Variants in PDCD6 observed in about 807,000 individuals in gnomAD.
PDCD6 encodes programmed cell death 6, also known as programmed cell death protein 6.
A neutral mutation model predicts 28.3 loss-of-function variants in PDCD6; 12 were observed. The observed-to-expected ratio is 0.42, with a 90% CI of 0.27 to 0.69. PDCD6 has a LOEUF of 0.69. Ranked by LOEUF, PDCD6 falls within the 30% of genes least tolerant of loss-of-function variation. PDCD6 has a pLI of 0.22. For synonymous variants in PDCD6, 92 were observed against 108.0 expected (o/e 0.85, Z 0.92); for missense variants, 226 against 269.9 (o/e 0.84, Z 1.14).
At chr5:310,067 C>A (rs1740808548) in intron 4 of PDCD6, 1 of 253,100 alleles carries the variant, frequency 4.0e-6, no homozygotes, top group Non-Finnish European at 7.8e-6. Context: ...CCCAGACAGG[C>A]AATGTCCCTG....
chr5:304,956 A>G (rs1481172910), intron 3 of PDCD6: 1 of 152,180 alleles, frequency 6.6e-6, no homozygotes, highest in Non-Finnish European at 1.5e-5. Context: ...CCTCCCAAAA[A>G]GTGGGGATTA....
chr5:311,947 A>T (rs1226138805), intron 5 of PDCD6: 1 of 158,774 alleles, frequency 6.3e-6, no homozygotes, highest in African/African-American at 2.4e-5. Flanking sequence ...AGCCTCCCAA[A>T]GTGCTAGGAT....
chr5:298,600 C>T (rs1410503513), intron 2 of PDCD6, among the ~76,000 whole-genome samples: 1 of 147,680 alleles, frequency 6.8e-6, no homozygotes, highest in Non-Finnish European at 1.5e-5. Context: ...CCTCTCACCA[C>T]CCCCGTGCAG....
chr5:282,307 G>T (rs1038625184), intron 2 of PDCD6, among the ~76,000 whole-genome samples: 2 of 150,384 alleles, frequency 1.3e-5, no homozygotes, highest in African/African-American at 4.9e-5. Flanking sequence ...CGCGTTGAGG[G>T]TCTTTCAGCT....
intron 3 of PDCD6, 172 bp from the exon 4 acceptor site, chr5:306,430 A>G (rs1740487826): frequency 3.2e-6 from 2 of 628,616 alleles, no homozygotes; most frequent in East Asian, 5.6e-5. Context: ...CGAAGGTGAC[A>G]AGACTTTAAG....
intron 2 of PDCD6, among the ~76,000 whole-genome samples, chr5:287,805 G>A (rs1739065325): frequency 6.6e-6 from 1 of 152,070 alleles, no homozygotes; most frequent in African/African-American, 2.4e-5. Context: ...AATTCTTCCA[G>A]TACAATGGTG....
chr5:288,364 A>G (rs1185377414), intron 2 of PDCD6, among the ~76,000 whole-genome samples: 1 of 149,762 alleles, frequency 6.7e-6, no homozygotes, highest in Non-Finnish European at 1.5e-5. Context: ...GGACAATAAA[A>G]TCTGGAAACC....
intron 2 of PDCD6, among the ~76,000 whole-genome samples, chr5:291,020 C>T (rs1739281235): frequency 6.6e-6 from 1 of 152,168 alleles, no homozygotes; most frequent in Admixed American, 6.5e-5. Flanking sequence ...CAGAGGACCT[C>T]CACCAAGTTT....
chr5:296,710 A>G (rs1015010206), intron 2 of PDCD6, among the ~76,000 whole-genome samples: 6 of 152,226 alleles, frequency 3.9e-5, no homozygotes, highest in African/African-American at 1.4e-4. Flanking sequence ...GGGAAGGTGG[A>G]CCAGAAAGGT....
chr5:312,782 C>CGAT (rs1741005485), intron 5 of PDCD6, among the ~76,000 whole-genome samples: 1 of 152,144 alleles, frequency 6.6e-6, no homozygotes, highest in Non-Finnish European at 1.5e-5. Context: ...TGCACTCCAG[C>CGAT]CTGGGTGACA....
chr5:289,970 C>T (rs1165977261), intron 2 of PDCD6: 1 of 1,596,094 alleles, frequency 6.3e-7, no homozygotes, highest in Non-Finnish European at 8.6e-7. Context: ...AGAAATTTGT[C>T]TGTTCCTGTA....
chr5:272,361 C>G (rs909071234), intron 1 of PDCD6, among the ~76,000 whole-genome samples: 1 of 148,696 alleles, frequency 6.7e-6, no homozygotes, highest in African/African-American at 2.6e-5. Flanking sequence ...GCTTTTCCAC[C>G]GAATGTCCGA....
At chr5:300,529 A>G (rs1739987850) in intron 2 of PDCD6, among the ~76,000 whole-genome samples, 1 of 152,244 alleles carries the variant, frequency 6.6e-6, no homozygotes. Flanking sequence ...CTTCAGGGGA[A>G]GGCTTGGGAT....
intron 5 of PDCD6, chr5:312,529 G>A (rs1740986561): frequency 6.6e-6 from 1 of 152,158 alleles, no homozygotes. Flanking sequence ...GGATTTGTTG[G>A]AGAACCAGGT....
chr5:306,850 T>G, intron 4 of PDCD6, 90 bp downstream of exon 4: 1 of 1,313,308 alleles, frequency 7.6e-7, no homozygotes, highest in Non-Finnish European at 1.1e-6. Flanking sequence ...ACTTAACTGA[T>G]TGTCTAACCA....
chr5:304,937 C>G (rs1740368144), intron 3 of PDCD6: 1 of 152,218 alleles, frequency 6.6e-6, no homozygotes, highest in African/African-American at 2.4e-5. Flanking sequence ...CGCAATCCTC[C>G]TGCCTCAGCC....
intron 2 of PDCD6, among the ~76,000 whole-genome samples, chr5:296,958 T>C (rs1295959530): frequency 5.9e-5 from 9 of 152,180 alleles, no homozygotes; most frequent in Admixed American, 5.9e-4. Context: ...TCTCAAGTTC[T>C]CTGGTGCCCG....
At chr5:303,637 G>A (rs548572258) in intron 2 of PDCD6, among the ~76,000 whole-genome samples, 2 of 151,854 alleles carry the variant, frequency 1.3e-5, no homozygotes, top group Admixed American at 1.3e-4. Context: ...TCTTCACCGT[G>A]CTTTAGGATG....
chr5:286,664 TG>T (rs1352255493), intron 2 of PDCD6, among the ~76,000 whole-genome samples: 1 of 150,398 alleles, frequency 6.6e-6, no homozygotes, highest in African/African-American at 2.5e-5. Context: ...GGGGAGGTAC[TG>T]ATGTTCCCGT....
Sources: allele counts gnomAD v4.1 joint callset (sites outside exome capture counted in the v4.1 genomes callset), GRCh38; gene constraint gnomAD v4.1.1; transcripts MANE v1.5; gene names NCBI Gene and HGNC (gene_info 2026-07-23, HGNC 2026-07-21).